Variants in ZDHHC14 observed in about 807,000 individuals in gnomAD.
ZDHHC14 encodes the protein zDHHC palmitoyltransferase 14, also known as palmitoyltransferase ZDHHC14.
ZDHHC14 carries 16 observed loss-of-function variants against 47.7 expected under a neutral mutation model. The observed-to-expected ratio is 0.34, with a 90% CI of 0.23 to 0.51. The LOEUF is 0.51. ZDHHC14 is among the 20% of genes least tolerant of loss of function. The pLI is 0.97. For synonymous variants in ZDHHC14, 293 were observed against 278.9 expected, an observed-to-expected ratio of 1.05 and a Z score of -0.50; for missense variants, 515 against 662.5, an observed-to-expected ratio of 0.78 and a Z score of 2.44.
intron 8 of ZDHHC14, among the ~76,000 whole-genome samples, chr6:157,656,017 T>C (rs1193289328): frequency 2.6e-5 from 4 of 152,258 alleles, no homozygotes; most frequent in Admixed American, 6.5e-5. Context: ...ATTGAGCACC[T>C]ACCCTGTGCC....
intron 1 of ZDHHC14, among the ~76,000 whole-genome samples, chr6:157,473,309 TC>T (rs936507304): frequency 1.3e-5 from 2 of 152,204 alleles, no homozygotes; most frequent in African/African-American, 2.4e-5. Flanking sequence ...GACCAACATT[TC>T]CCCAGACTCC....
chr6:157,457,279 C>T (rs1419576976), intron 1 of ZDHHC14, among the ~76,000 whole-genome samples: 2 of 151,830 alleles, frequency 1.3e-5, no homozygotes, highest in Non-Finnish European at 2.9e-5. Flanking sequence ...GGGCTTCCAG[C>T]GTGGGCTCTG....
At chr6:157,518,003 C>T (rs180916010) in intron 1 of ZDHHC14, among the ~76,000 whole-genome samples, 87 of 152,270 alleles carry the variant, frequency 5.7e-4, no homozygotes, top group African/African-American at 2.0e-3. Context: ...CCCCAGCCCC[C>T]GTGCATGGAT....
Position 157,676,960 on chromosome 6 carries a change from A to C in ZDHHC14, c.*3838A>C, listed in dbSNP as rs915017874. On this transcript the variant is annotated 3_prime_UTR_variant, in exon 9 of 9. Coordinates refer to ENST00000359775, the MANE Select transcript of ZDHHC14 (RefSeq NM_024630.3). ...CTGCCCTTCATCCATCCACAAGAAT[A>C]CATTGAGTTCATTTAGTTCTTGACC... is the stretch of plus-strand genomic sequence containing the variant. 6.6e-6 allele frequency: 1 copy of C among 152,236 alleles called. No individual in the cohort carries two copies. The highest frequency in any genetic ancestry group is 2.4e-5 in the African/African-American group (1 of 41,458). 9.4% of individuals were successfully genotyped at this position (152,236 alleles called of 1,614,324 possible).
chr6:157,443,661 T>A (rs1007653705), intron 1 of ZDHHC14, among the ~76,000 whole-genome samples: 21 of 152,228 alleles, frequency 1.4e-4, no homozygotes, highest in African/African-American at 4.8e-4. Context: ...TTAAAATGAA[T>A]GGCCAAGGGT....
intron 3 of ZDHHC14, among the ~76,000 whole-genome samples, chr6:157,625,313 A>T (rs1171172696): frequency 1.3e-5 from 2 of 152,144 alleles, no homozygotes; most frequent in Admixed American, 1.3e-4. Flanking sequence ...AACTGGTCAG[A>T]TAGAGAGTCT....
At chr6:157,416,526 A>G (rs1439239295) in intron 1 of ZDHHC14, among the ~76,000 whole-genome samples, 1 of 151,800 alleles carries the variant, frequency 6.6e-6, no homozygotes. Flanking sequence ...AAAATTATTC[A>G]GGTGTGGTGG....
chr6:157,592,711 G>A (rs1392600016), intron 2 of ZDHHC14: 25 of 1,177,848 alleles, frequency 2.1e-5, no homozygotes, highest in Non-Finnish European at 2.6e-5. Flanking sequence ...GGAAAAGGGC[G>A]GGGCTCCACA....
At chr6:157,614,220 C>T (rs1784867722) in intron 3 of ZDHHC14, among the ~76,000 whole-genome samples, 1 of 152,154 alleles carries the variant, frequency 6.6e-6, no homozygotes, top group African/African-American at 2.4e-5. Flanking sequence ...TCAACAGTGC[C>T]CCACTGTGTG....
At chr6:157,663,198 C>A (rs149703709) in intron 8 of ZDHHC14, among the ~76,000 whole-genome samples, 1 of 152,190 alleles carries the variant, frequency 6.6e-6, no homozygotes, top group Non-Finnish European at 1.5e-5. Context: ...GCTTCTACCC[C>A]CCTGGGAGTG....
chr6:157,535,998 AC>A (rs1319620315), intron 1 of ZDHHC14, among the ~76,000 whole-genome samples: 2 of 152,012 alleles, frequency 1.3e-5, no homozygotes, highest in African/African-American at 4.8e-5. Context: ...TTCTATTGCA[AC>A]CCTTAAAACC....
chr6:157,507,653 G>A (rs1467087911), intron 1 of ZDHHC14, among the ~76,000 whole-genome samples: 1 of 152,040 alleles, frequency 6.6e-6, no homozygotes, highest in Non-Finnish European at 1.5e-5. Context: ...CCATCCAATT[G>A]CACCCATTCT....
intron 2 of ZDHHC14, among the ~76,000 whole-genome samples, chr6:157,583,166 T>G (rs1004818096): frequency 6.6e-6 from 1 of 152,160 alleles, no homozygotes; most frequent in Non-Finnish European, 1.5e-5. Context: ...TTCAACTTTC[T>G]CCTAAATCTC....
chr6:157,405,910 G>C (rs77907208), intron 1 of ZDHHC14, among the ~76,000 whole-genome samples: 20,584 of 152,138 alleles, frequency 0.14, 2,245 homozygotes, highest in African/African-American at 0.3. Context: ...AATCATGGAT[G>C]GGCTATAAAT....
intron 1 of ZDHHC14, among the ~76,000 whole-genome samples, chr6:157,437,426 C>G (rs937962788): frequency 6.6e-6 from 1 of 152,184 alleles, no homozygotes; most frequent in South Asian, 2.1e-4. Context: ...GGCAGGCTGT[C>G]GCCCTGTTCT....
At chr6:157,413,274 C>T (rs1417924144) in intron 1 of ZDHHC14, among the ~76,000 whole-genome samples, 1 of 152,188 alleles carries the variant, frequency 6.6e-6, no homozygotes, top group Non-Finnish European at 1.5e-5. Flanking sequence ...GTCTTCACCA[C>T]AGCAGACGAC....
intron 1 of ZDHHC14, among the ~76,000 whole-genome samples, chr6:157,527,378 T>C (rs749367000): frequency 2.6e-5 from 4 of 152,160 alleles, no homozygotes; most frequent in Non-Finnish European, 2.9e-5. Flanking sequence ...AACTGACCTG[T>C]TTTCCTATTT....
chr6:157,565,274 T>C (rs1189167732), intron 2 of ZDHHC14, among the ~76,000 whole-genome samples: 1 of 152,162 alleles, frequency 6.6e-6, no homozygotes, highest in Non-Finnish European at 1.5e-5. Context: ...AATAATTTCA[T>C]TTTAATCAGT....
rs957711474 is a variant in ZDHHC14, at chr6:157,461,638, C to T, written c.245+79372C>T. ...TTAGGGTCTTGAAGTTAGCAGCCTC[C>T]GCCCCACCCTGATAGACAGACATAT... On this transcript the variant is annotated intron_variant, in intron 1 of 8. Transcript: ENST00000359775. Among the ~76,000 whole-genome samples, 4 of 152,154 alleles carry T rather than the reference C, an allele frequency of 2.6e-5. No homozygotes were observed. In the East Asian group the frequency reaches 5.8e-4, roughly 22 times the overall value.
Sources: gnomAD v4.1 joint callset for allele counts (sites outside exome capture counted in the v4.1 genomes callset) on GRCh38, gnomAD v4.1.1 for gene constraint, MANE v1.5 for transcripts, NCBI Gene and HGNC (gene_info 2026-07-23, HGNC 2026-07-21) for gene names.